Variants in PIEZO2 observed in about 807,000 individuals in gnomAD.
PIEZO2 encodes piezo type mechanosensitive ion channel component 2.
In PIEZO2, 172 loss-of-function variants were observed where a neutral mutation model predicts 337.3. The ratio of observed to expected loss-of-function variants is 0.51; its 90% CI spans 0.45 to 0.58. The LOEUF (loss-of-function observed/expected upper bound fraction) is 0.58. Among genes scored for constraint, PIEZO2 ranks in the 20% least tolerant of loss-of-function variants. The pLI is 0.00. For missense variants in PIEZO2, 3,028 were observed against 3,391.3 expected (o/e 0.89, Z 2.66); for synonymous variants, 1,251 against 1,228.5 (o/e 1.02, Z -0.38).
intron 2 of PIEZO2, among the ~76,000 whole-genome samples, chr18:10,983,119 T>C (rs1215503791): frequency 6.6e-6 from 1 of 152,178 alleles, no homozygotes; most frequent in Admixed American, 6.5e-5. Context: ...TACCAGTTTA[T>C]TTATATTAAC....
chr18:10,745,267 C>A (rs1320191523), intron 30 of PIEZO2, among the ~76,000 whole-genome samples: 1 of 152,158 alleles, frequency 6.6e-6, no homozygotes, highest in African/African-American at 2.4e-5. Flanking sequence ...CCTGCTTCTT[C>A]CTCTCTTCTT....
At chr18:11,056,784 G>C (rs575319694) in intron 2 of PIEZO2, among the ~76,000 whole-genome samples, 1 of 152,112 alleles carries the variant, frequency 6.6e-6, no homozygotes, top group Non-Finnish European at 1.5e-5. Context: ...ACAGTCAGCT[G>C]TGTCCATTAG....
At position 11,144,144 on chromosome 18, in the gene PIEZO2, G is replaced by A. The variant is rs139670583; in HGVS notation, c.64+4381C>T. On this transcript the variant is annotated intron_variant, in intron 1 of 55. Transcript: ENST00000674853. ...GACTACGAACAAACACACATCACCC[G>A]TAAAGAAACACACACACTTACAAAG... 3.9e-3 allele frequency among the ~76,000 whole-genome samples: 589 copies of A among 152,160 alleles called. 5 individuals carry two copies. The highest frequency in any genetic ancestry group is 0.013 in the African/African-American group (548 of 41,508).
intron 36 of PIEZO2, among the ~76,000 whole-genome samples, chr18:10,718,978 A>AAAATAAATAAATAAAT (rs372748367): frequency 1.4e-5 from 2 of 142,964 alleles, no homozygotes; most frequent in Admixed American, 6.9e-5. Context: ...GACCTTGTCT[A>AAAATAAATAAATAAAT]AAATAAATAA....
chr18:10,915,583 C>T (rs1301798764), intron 3 of PIEZO2, among the ~76,000 whole-genome samples: 1 of 152,106 alleles, frequency 6.6e-6, no homozygotes, highest in African/African-American at 2.4e-5. Flanking sequence ...AAACAGTTTG[C>T]AGTTATTAAT....
At position 10,698,912 on chromosome 18, in the gene PIEZO2, T is replaced by A. The variant is rs1241304631; in HGVS notation, c.6694+13A>T. 6.5e-7 allele frequency: 1 copy of A among 1,535,918 alleles called. No homozygotes were observed. The highest frequency in any genetic ancestry group is 2.4e-5 in the East Asian group (1 of 40,932). Reference sequence around the variant, plus strand: ...AGCTAACTACAGCCTAGATATATTGTGTCGACAGATACCTCTTTGGGATCT... The same window carrying A: ...AGCTAACTACAGCCTAGATATATTGAGTCGACAGATACCTCTTTGGGATCT... On this transcript the variant is annotated intron_variant, in intron 44 of 55. Transcript: ENST00000674853.
rs61700069 is a variant in PIEZO2, at chr18:10,713,354, GT to G, written c.5423+1409del. 3.5e-3 allele frequency among the ~76,000 whole-genome samples: 525 copies of G among 148,202 alleles called. 2 individuals carry two copies. The highest frequency in any genetic ancestry group is 0.012 in the African/African-American group (480 of 40,472). ...TAGCACTTTAGGGCAAAACTTTTTG[GT>G]TTTTTTTTTACCCACATTCCTCACT... On this transcript the variant is annotated intron_variant, in intron 39 of 55. Transcript: ENST00000674853. The surrounding 1 kb of genome is among the most constrained non-coding windows in gnomAD (Gnocchi z 4.5).
At chr18:10,779,928 G>A (rs940474215) in intron 18 of PIEZO2, among the ~76,000 whole-genome samples, 2 of 152,130 alleles carry the variant, frequency 1.3e-5, no homozygotes, top group African/African-American at 2.4e-5. Context: ...GAGGGAAGGC[G>A]GATTACTCTT....
Position 10,899,240 on chromosome 18 carries a change from T to C in PIEZO2, c.329+11946A>G, listed in dbSNP as rs1326207387. 6.6e-6 allele frequency among the ~76,000 whole-genome samples: 1 copy of C among 152,214 alleles called. No homozygotes were observed. Among genetic ancestry groups the C allele is most frequent in the East Asian group, 1.9e-4 (1 of 5,198 alleles). On this transcript the variant is annotated intron_variant, in intron 4 of 55. Coordinates refer to ENST00000674853, the MANE Select transcript of PIEZO2 (RefSeq NM_001378183.1). The surrounding 1 kb of genome is among the most constrained non-coding windows in gnomAD (Gnocchi z 4.6). ...TGGAAGTCATACAATACTGGGACAATCCTGTAGTTGTTCGCTACTTCAAAT... is the reference window on the plus strand; with the variant it reads ...TGGAAGTCATACAATACTGGGACAACCCTGTAGTTGTTCGCTACTTCAAAT...
intron 3 of PIEZO2, among the ~76,000 whole-genome samples, chr18:10,976,825 G>T (rs887553303): frequency 3.3e-5 from 5 of 152,052 alleles, no homozygotes; most frequent in South Asian, 2.1e-4. Context: ...GGCAAGGAAG[G>T]CCTGGAAAGA....
chr18:10,909,783 A>G (rs1412141460), intron 4 of PIEZO2, among the ~76,000 whole-genome samples: 1 of 152,226 alleles, frequency 6.6e-6, no homozygotes, highest in Non-Finnish European at 1.5e-5. Context: ...AAGATTTCAC[A>G]TGGAACTAAA....
chr18:10,934,082 A>G (rs2032238449), intron 3 of PIEZO2, among the ~76,000 whole-genome samples: 1 of 152,272 alleles, frequency 6.6e-6, no homozygotes, highest in Non-Finnish European at 1.5e-5. Context: ...AACAGATGGC[A>G]TGATGCCGCT....
In PIEZO2 at chr18:11,148,405, G is replaced by C. The variant is rs1259478372; in HGVS notation, c.64+120C>G. 1.7e-6 allele frequency: 2 copies of C among 1,162,918 alleles called. No homozygotes were observed. The highest frequency in any genetic ancestry group is 2.1e-5 in the Admixed American group (1 of 46,704). The allele number at this position is 1,162,918 out of a possible 1,614,324, so 72.0% of individuals were successfully genotyped here. ...GCACCAGGGACAGCGCGCGTCTGAC[G>C]CCGCTGGCCTCCCGAATCGAACCCC... On this transcript the variant is annotated intron_variant, in intron 1 of 55. Coordinates refer to ENST00000674853, the MANE Select transcript of PIEZO2 (RefSeq NM_001378183.1). This position sits in a 1 kb window ranked among gnomAD's most constrained non-coding sequence, Gnocchi z 5.2.
rs1471323178 is a variant in PIEZO2, at chr18:10,775,927, AAAAG to A, written c.2535-1893_2535-1890del. On this transcript the variant is annotated intron_variant, in intron 18 of 55. Transcript: ENST00000674853. This position sits in a 1 kb window ranked among gnomAD's most constrained non-coding sequence, Gnocchi z 4.3. ...AATGGATGACAAAAAAAGAAAAAAA[AAAAG>A]AAATTATGTATCAGGCTGTCATTTA... is the stretch of plus-strand genomic sequence containing the variant. Among the ~76,000 whole-genome samples the A allele has an allele frequency of 6.6e-6, 1 of 152,230 alleles. No individual in the cohort carries two copies. The highest frequency in any genetic ancestry group is 6.5e-5 in the Admixed American group (1 of 15,278).
At position 11,032,001 on chromosome 18, in the gene PIEZO2, A is replaced by G. The variant is rs1479481212; in HGVS notation, c.160+34126T>C. On this transcript the variant is annotated intron_variant, in intron 2 of 55. Coordinates refer to ENST00000674853, the MANE Select transcript of PIEZO2 (RefSeq NM_001378183.1). This position sits in a 1 kb window ranked among gnomAD's most constrained non-coding sequence, Gnocchi z 4.9. Reference sequence around the variant, plus strand: ...CTCTCTCTCACACACATACGCATACACACAGATATTTACTGCTGATTCCAA... The same window carrying G: ...CTCTCTCTCACACACATACGCATACGCACAGATATTTACTGCTGATTCCAA... Among the ~76,000 whole-genome samples the G allele has an allele frequency of 6.6e-6, 1 of 152,140 alleles. No homozygotes were observed. The highest frequency in any genetic ancestry group is 2.1e-4 in the South Asian group (1 of 4,822).
intron 52 of PIEZO2, among the ~76,000 whole-genome samples, chr18:10,678,095 A>G (rs142398192): frequency 1.7e-3 from 261 of 152,328 alleles, no homozygotes; most frequent in African/African-American, 6.1e-3. Context: ...TTTAAAACAG[A>G]GTTGAAGGTG....
At chr18:11,029,692 G>T (rs2073788688) in intron 2 of PIEZO2, among the ~76,000 whole-genome samples, 1 of 151,864 alleles carries the variant, frequency 6.6e-6, no homozygotes. Context: ...AACGTTTTTT[G>T]TGTCTCAGGG....
intron 13 of PIEZO2, 194 bp from the exon 14 acceptor site, chr18:10,791,518 C>T: frequency 2.0e-6 from 1 of 497,144 alleles, no homozygotes; most frequent in Admixed American, 4.6e-5. Context: ...GAGGATGCTC[C>T]CATGTTTGTG....
At position 10,863,056 on chromosome 18, in the gene PIEZO2, A is replaced by G. The variant is rs1269339983; in HGVS notation, c.493-5845T>C. Among the ~76,000 whole-genome samples, 1 of 152,226 alleles carries G rather than the reference A, an allele frequency of 6.6e-6. No individual in the cohort carries two copies. The highest frequency in any genetic ancestry group is 2.4e-5 in the African/African-American group (1 of 41,458). On this transcript the variant is annotated intron_variant, in intron 5 of 55. Transcript: ENST00000674853. The surrounding 1 kb of genome is among the most constrained non-coding windows in gnomAD (Gnocchi z 4.3). The stretch of plus-strand genomic sequence containing the variant: ...AAAAACATTTCTATAGAAGTGTATC[A>G]AAGTCATGTATAATGAGCCAAAAGA...
Sources: allele counts gnomAD v4.1 joint callset (sites outside exome capture counted in the v4.1 genomes callset), GRCh38; gene constraint gnomAD v4.1.1; non-coding constraint Gnocchi (gnomAD v3.1); transcripts MANE v1.5; gene names NCBI Gene and HGNC (gene_info 2026-07-23, HGNC 2026-07-21).